The following TPCN2 variants were observed in gnomAD, a reference collection of about 807,000 sequenced individuals.
The protein encoded by TPCN2 is two pore channel protein 2.
TPCN2 carries 92 observed loss-of-function variants against 111.4 expected under a neutral mutation model. The observed-to-expected ratio is 0.83, with a 90% CI of 0.70 to 0.98. The LOEUF is 0.98. Ranked by LOEUF, TPCN2 falls within the 50% of genes least tolerant of loss-of-function variation. The pLI is 0.00. For missense variants in TPCN2, 995 were observed against 980.1 expected (o/e 1.02, Z -0.20); for synonymous variants, 405 against 414.5 (o/e 0.98, Z 0.28).
chr11:69,061,688 C>T (rs1440585640), intron 5 of TPCN2, among the ~76,000 whole-genome samples: 1 of 151,780 alleles, frequency 6.6e-6, no homozygotes, highest in African/African-American at 2.4e-5. Context: ...GTCCCAGTGG[C>T]CAGGAGGGGA....
At chr11:69,082,228 C>T in intron 18 of TPCN2, among the ~76,000 whole-genome samples, 1 of 152,228 alleles carries the variant, frequency 6.6e-6, no homozygotes, top group Admixed American at 6.5e-5. Flanking sequence ...CGTGTTCACA[C>T]ATAATTACAG....
intron 18 of TPCN2, among the ~76,000 whole-genome samples, chr11:69,083,504 C>T (rs1036069522): frequency 6.6e-6 from 1 of 152,244 alleles, no homozygotes; most frequent in African/African-American, 2.4e-5. Context: ...GCAGGTGCTC[C>T]TGCCACCTCT....
At chr11:69,084,776 A>G (rs1856201395) in intron 19 of TPCN2, 1 of 985,332 alleles carries the variant, frequency 1.0e-6, no homozygotes, top group Non-Finnish European at 1.2e-6. Flanking sequence ...CGCTGGGAAG[A>G]GAATCTTGCC....
chr11:69,054,136 T>C, intron 2 of TPCN2, 39 bp downstream of exon 2: 2 of 1,570,824 alleles, frequency 1.3e-6, no homozygotes, highest in Non-Finnish European at 1.7e-6. Flanking sequence ...GCCTGGGGGG[T>C]GGCCGCCCTC....
At position 69,060,202 on chromosome 11, in the gene TPCN2, CCA is replaced by C. The variant is rs371679331; in HGVS notation, c.546+2513_546+2514del. Among the ~76,000 whole-genome samples the C allele has an allele frequency of 2.2e-3, 328 of 152,388 alleles. 2 individuals are homozygous for C. Among genetic ancestry groups the C allele is most frequent in the African/African-American group, 7.4e-3 (307 of 41,600 alleles). ...ACTTGGGAACATCCCCTTTCTCAGTCCACACAGGGGACTGCCCAACCCTGCCC... is the reference window on the plus strand; with the variant it reads ...ACTTGGGAACATCCCCTTTCTCAGTCCACAGGGGACTGCCCAACCCTGCCC... On this transcript the variant is annotated intron_variant, in intron 5 of 24. Transcript: ENST00000294309.
chr11:69,085,680 T>C lies in TPCN2; in HGVS notation c.1848T>C (p.Pro616=). 1 of 1,613,100 alleles carries C rather than the reference T, an allele frequency of 6.2e-7. No individual in the cohort carries two copies. The highest frequency in any genetic ancestry group is 8.5e-7 in the Non-Finnish European group (1 of 1,179,204). The stretch of plus-strand genomic sequence containing the variant: ...GTGTTGTGTTCCCCAGCCTGGCCCC[T>C]GCCAATGGCTCGGCGCCCTGTGGGA... ...VALPGNSSLA[P]ANGSAPCGSF... The change falls in exon 21 of 25, where the codon CCT becomes CCC. Residue 616 remains proline, a synonymous_variant. Coordinates refer to ENST00000294309, the MANE Select transcript of TPCN2 (RefSeq NM_139075.4).
chr11:69,064,036 C>A, intron 7 of TPCN2, 69 bp downstream of exon 7: 1 of 1,453,606 alleles, frequency 6.9e-7, no homozygotes, highest in Non-Finnish European at 9.6e-7. Flanking sequence ...GGGGGCTGGG[C>A]TGGTGTCTGC....
At chr11:69,060,320 A>G (rs1590713174) in intron 5 of TPCN2, among the ~76,000 whole-genome samples, 1 of 152,190 alleles carries the variant, frequency 6.6e-6, no homozygotes, top group South Asian at 2.1e-4. Flanking sequence ...TGGGCCGGCT[A>G]TCATTCAGCA....
chr11:69,050,615 T>G (rs929256636), intron 1 of TPCN2, among the ~76,000 whole-genome samples: 6 of 152,214 alleles, frequency 3.9e-5, no homozygotes, highest in African/African-American at 1.4e-4. Context: ...TGACCTCGGG[T>G]GATCTGCCTG....
chr11:69,049,923 C>G (rs1861145590), intron 1 of TPCN2, among the ~76,000 whole-genome samples: 1 of 152,236 alleles, frequency 6.6e-6, no homozygotes, highest in Non-Finnish European at 1.5e-5. Flanking sequence ...GCCCTGAGAC[C>G]TGCCCAAGGT....
Position 69,087,893 on chromosome 11 carries a change from CG to C in TPCN2, c.2203del (p.Glu735ArgfsTer8). 5 of 1,612,594 alleles carry C rather than the reference CG, an allele frequency of 3.1e-6. No individual in the cohort carries two copies. The African/African-American group carries it at 4.0e-5, about 13-fold the overall frequency. On this transcript the variant is annotated frameshift_variant, in exon 25 of 25. Coordinates refer to ENST00000294309, the MANE Select transcript of TPCN2 (RefSeq NM_139075.4). LOFTEE classifies it high-confidence loss of function. ...LLFRDILEEP[G>X]EDELTERLSQ... ...TCCACAGGGATATTCTGGAGGAGCC[CG>C]GGGAGGATGAGCTCACAGAGAGGCT...
Position 69,088,240 on chromosome 11 carries a change from T to A in TPCN2, c.*287T>A. ...TCCACAGGGACCTTTCAGACAAAAA[T>A]GCAAGAAGCAGCGGCCTCCCCTGTC... On this transcript the variant is annotated 3_prime_UTR_variant, in exon 25 of 25. Coordinates refer to ENST00000294309, the MANE Select transcript of TPCN2 (RefSeq NM_139075.4). 1 of 413,816 alleles carries A rather than the reference T, an allele frequency of 2.4e-6. No individual in the cohort carries two copies. The highest frequency in any genetic ancestry group is 4.4e-6 in the Non-Finnish European group (1 of 226,464). The allele number at this position is 413,816 out of a possible 1,614,324, so 25.6% of individuals were successfully genotyped here.
intron 1 of TPCN2, 128 bp from the exon 2 acceptor site, chr11:69,053,905 T>C: frequency 1.3e-6 from 1 of 757,674 alleles, no homozygotes; most frequent in African/African-American, 1.7e-5. Flanking sequence ...CACTGCCGGG[T>C]GGAGTCATCT....
In TPCN2 at chr11:69,067,609, C is replaced by T. The variant is rs752523760; in HGVS notation, c.829+4C>T. On this transcript the variant is annotated splice_donor_region_variant and intron_variant, in intron 8 of 24. Transcript: ENST00000294309. ...ACCACGGCCAACAACCCCGATGGTG[C>T]GTGCAGGGCCAGGGAGGGACCGTGG... 34 of 1,613,264 alleles carry T rather than the reference C, an allele frequency of 2.1e-5. No individual in the cohort carries two copies. The highest frequency in any genetic ancestry group is 8.8e-5 in the South Asian group (8 of 91,080).
At chr11:69,062,456 C>A (rs902428857) in intron 5 of TPCN2, among the ~76,000 whole-genome samples, 2 of 150,716 alleles carry the variant, frequency 1.3e-5, no homozygotes, top group African/African-American at 4.9e-5. Flanking sequence ...GATGGGGACA[C>A]AAGGGGAGGC....
intron 3 of TPCN2, 39 bp downstream of exon 3, chr11:69,054,836 G>C (rs1435770995): frequency 1.3e-6 from 2 of 1,596,810 alleles, no homozygotes; most frequent in Admixed American, 3.4e-5. Context: ...GTTCCTGCCG[G>C]CTTGCGTGGC....
chr11:69,087,344 T>A, intron 24 of TPCN2, 138 bp downstream of exon 24: 4 of 729,958 alleles, frequency 5.5e-6, no homozygotes, highest in Non-Finnish European at 9.2e-6. Flanking sequence ...TTTGGTCCTG[T>A]GCTCTAGGAG....
intron 20 of TPCN2, 83 bp from the exon 21 acceptor site, chr11:69,085,588 G>A (rs1042409213): frequency 2.1e-5 from 20 of 954,892 alleles, no homozygotes; most frequent in Admixed American, 7.0e-5. Flanking sequence ...GGCTGAGCAC[G>A]CCAGCAGAGG....
At chr11:69,072,089 G>A (rs1855560965) in intron 11 of TPCN2, 66 bp downstream of exon 11, 2 of 1,400,918 alleles carry the variant, frequency 1.4e-6, no homozygotes, top group Admixed American at 1.9e-5. Context: ...GCAGGGGCCG[G>A]GTGTTCATTA....
Sources: allele counts gnomAD v4.1 joint callset (sites outside exome capture counted in the v4.1 genomes callset), GRCh38; gene constraint gnomAD v4.1.1; transcripts MANE v1.5; gene names NCBI Gene and HGNC (gene_info 2026-07-23, HGNC 2026-07-21).